Variants in ACOXL observed in about 807,000 individuals in gnomAD.
ACOXL encodes acyl-coenzyme A oxidase-like protein.
In ACOXL, 70 loss-of-function variants were observed where a neutral mutation model predicts 71.9. That is an observed-to-expected ratio of 0.97 (90% confidence interval 0.80 to 1.19). The LOEUF (loss-of-function observed/expected upper bound fraction) is 1.19. Ranked by LOEUF, ACOXL falls within the 50% of genes most tolerant of loss-of-function variation. ACOXL has a pLI of 0.00. For missense variants in ACOXL, 703 were observed against 736.3 expected (o/e 0.95, Z 0.52); for synonymous variants, 253 against 281.6 (o/e 0.90, Z 1.02).
chr2:110,806,303 G>A (rs1686635771), intron 9 of ACOXL, among the ~76,000 whole-genome samples: 1 of 152,238 alleles, frequency 6.6e-6, no homozygotes, highest in South Asian at 2.1e-4. Flanking sequence ...CCTCGTGCCC[G>A]CCCGTGCACC....
At chr2:110,834,030 T>C (rs1189868350) in intron 9 of ACOXL, among the ~76,000 whole-genome samples, 1 of 152,208 alleles carries the variant, frequency 6.6e-6, no homozygotes, top group Non-Finnish European at 1.5e-5. Context: ...CTGTATTTAA[T>C]GTCCCCAAAT....
chr2:110,872,177 C>A (rs1472826768), intron 10 of ACOXL, among the ~76,000 whole-genome samples: 1 of 152,138 alleles, frequency 6.6e-6, no homozygotes, highest in Non-Finnish European at 1.5e-5. Context: ...GCACTGTAGT[C>A]CCTGGGTGCC....
intron 13 of ACOXL, among the ~76,000 whole-genome samples, chr2:110,993,415 G>A (rs56682878): frequency 0.014 from 2,057 of 152,268 alleles, 137 homozygotes; most frequent in Admixed American, 0.098. Context: ...TAGCTGCCTC[G>A]TGAAATTGGC....
At chr2:110,825,083 A>G (rs1345391714) in intron 9 of ACOXL, among the ~76,000 whole-genome samples, 1 of 152,226 alleles carries the variant, frequency 6.6e-6, no homozygotes, top group Non-Finnish European at 1.5e-5. Flanking sequence ...AGTTTGTCCC[A>G]TGAATGCTAA....
chr2:110,907,446 T>C (rs1339363315), intron 10 of ACOXL, among the ~76,000 whole-genome samples: 1 of 152,154 alleles, frequency 6.6e-6, no homozygotes, highest in Non-Finnish European at 1.5e-5. Context: ...GGATTTTTTT[T>C]TGTTATTTTC....
intron 9 of ACOXL, among the ~76,000 whole-genome samples, chr2:110,824,187 A>G (rs1688924721): frequency 6.6e-6 from 1 of 152,168 alleles, no homozygotes; most frequent in African/African-American, 2.4e-5. Context: ...TTATGTGGGG[A>G]TATTTCTGAA....
intron 12 of ACOXL, among the ~76,000 whole-genome samples, chr2:110,976,938 C>G (rs113653870): frequency 1.3e-5 from 2 of 152,098 alleles, no homozygotes; most frequent in African/African-American, 4.8e-5. Context: ...GGGAAGCTTC[C>G]CCTTCTAGGA....
chr2:110,810,886 A>G (rs190138595), intron 9 of ACOXL, among the ~76,000 whole-genome samples: 4 of 152,366 alleles, frequency 2.6e-5, no homozygotes, highest in Admixed American at 1.3e-4. Context: ...ACTTACAGTC[A>G]TGGCAGAAGG....
At chr2:110,835,866 G>C (rs1690392732) in intron 9 of ACOXL, among the ~76,000 whole-genome samples, 1 of 152,142 alleles carries the variant, frequency 6.6e-6, no homozygotes, top group South Asian at 2.1e-4. Flanking sequence ...TTTCTCACAA[G>C]TTCCCAGGGG....
chr2:111,111,261 G>A (rs754832659), intron 17 of ACOXL, among the ~76,000 whole-genome samples: 1 of 151,406 alleles, frequency 6.6e-6, no homozygotes, highest in African/African-American at 2.4e-5. Flanking sequence ...CACCACTCTC[G>A]GCTAATTTTT....
rs1175243364 is a variant in ACOXL, at chr2:110,917,351, C to T, written c.905+8446C>T. 4.6e-5 allele frequency among the ~76,000 whole-genome samples: 7 copies of T among 152,212 alleles called. No individual in the cohort carries two copies. In the South Asian group the frequency reaches 8.3e-4, roughly 18 times the overall value. Reference sequence around the variant, plus strand: ...AGAAAAGACCTTTGACAAAATTCAACACCCCTACATGCTAAATACTCTCAA... The same window carrying T: ...AGAAAAGACCTTTGACAAAATTCAATACCCCTACATGCTAAATACTCTCAA... On this transcript the variant is annotated intron_variant, in intron 11 of 17. Transcript: ENST00000439055.
intron 10 of ACOXL, chr2:110,887,647 A>G (rs1225786765): frequency 6.6e-6 from 1 of 152,144 alleles, no homozygotes; most frequent in Non-Finnish European, 1.5e-5. Flanking sequence ...AGTTGTAGAG[A>G]TGGAGCCTTA....
At position 111,117,859 on chromosome 2, in the gene ACOXL, G is replaced by A. The variant is rs544290818; in HGVS notation, c.*43G>A. ...GTGGTGGCCCGCCAGCAGCTGCCAC[G>A]ACGCTCGCTCCACCGACGCCCAGAG... On this transcript the variant is annotated 3_prime_UTR_variant, in exon 18 of 18. Coordinates refer to ENST00000439055, the MANE Select transcript of ACOXL (RefSeq NM_001142807.4). 1.7e-3 allele frequency: 2,564 copies of A among 1,526,952 alleles called. 7 individuals carry two copies. Among genetic ancestry groups the A allele is most frequent in the South Asian group, 2.1e-3 (176 of 83,060 alleles). 94.6% of individuals were successfully genotyped at this position (1,526,952 alleles called of 1,614,324 possible). A position where few individuals can be genotyped will look rare whatever the true frequency, so the allele number is the denominator to read the frequency against.
intron 13 of ACOXL, among the ~76,000 whole-genome samples, chr2:110,992,606 G>T (rs932106052): frequency 7.2e-5 from 11 of 152,218 alleles, no homozygotes; most frequent in African/African-American, 2.7e-4. Flanking sequence ...GAAGGAGTCA[G>T]TCATGGTACT....
At chr2:110,875,804 A>G (rs759264056) in intron 10 of ACOXL, among the ~76,000 whole-genome samples, 1 of 152,034 alleles carries the variant, frequency 6.6e-6, no homozygotes, top group Non-Finnish European at 1.5e-5. Context: ...TTCCACCCTT[A>G]TGGCACCTAA....
At chr2:110,738,738 T>A (rs1201274933) in intron 1 of ACOXL, among the ~76,000 whole-genome samples, 3 of 152,210 alleles carry the variant, frequency 2.0e-5, no homozygotes, top group Non-Finnish European at 4.4e-5. Flanking sequence ...AAACTTGTGT[T>A]CAGTTATCTG....
intron 16 of ACOXL, among the ~76,000 whole-genome samples, chr2:111,085,985 G>A (rs974589754): frequency 2.6e-5 from 4 of 152,034 alleles, no homozygotes; most frequent in Non-Finnish European, 5.9e-5. Flanking sequence ...TAAGTTCCTG[G>A]ACACACACAT....
Position 110,736,684 on chromosome 2 carries a change from A to G in ACOXL, c.-23+3910A>G, listed in dbSNP as rs531210050. 2.0e-5 allele frequency among the ~76,000 whole-genome samples: 3 copies of G among 148,814 alleles called. No individual in the cohort carries two copies. In the South Asian group the frequency reaches 6.3e-4, roughly 31 times the overall value. On this transcript the variant is annotated intron_variant, in intron 1 of 17. Coordinates refer to ENST00000439055, the MANE Select transcript of ACOXL (RefSeq NM_001142807.4). ...GCCCAGGCTGGAGTGCAGTGGTGCA[A>G]TCTCGGCTCACTGCAAGCCCCGCCT...
chr2:110,818,630 C>T (rs978936531), intron 9 of ACOXL, among the ~76,000 whole-genome samples: 29 of 151,488 alleles, frequency 1.9e-4, no homozygotes, highest in African/African-American at 6.1e-4. Context: ...TTTAAAAAGA[C>T]GGGGGATGGG....
Sources: allele counts gnomAD v4.1 joint callset (sites outside exome capture counted in the v4.1 genomes callset), GRCh38; gene constraint gnomAD v4.1.1; transcripts MANE v1.5; gene names NCBI Gene and HGNC (gene_info 2026-07-23, HGNC 2026-07-21).